ATRX: variants seen among roughly 807,000 people sequenced by gnomAD.
ATRX encodes chromatin remodeler ATRX.
ATRX carries 12 observed loss-of-function variants against 172.6 expected under a neutral mutation model. The ratio of observed to expected loss-of-function variants is 0.07; its 90% confidence interval spans 0.04 to 0.11. The LOEUF (loss-of-function observed/expected upper bound fraction) is 0.11. Ranked by LOEUF, ATRX falls within the 10% of genes least tolerant of loss-of-function variation. ATRX has a pLI of 1.00. For synonymous variants in ATRX, 674 were observed against 594.7 expected (o/e 1.13, Z -1.94); for missense variants, 1,368 against 1,767.4 (o/e 0.77, Z 4.05).
chrX:77,593,007 T>C (rs1557081807), intron 26 of ATRX, among the ~76,000 whole-genome samples: 1 of 108,894 alleles, frequency 9.2e-6, no homozygotes, highest in East Asian at 2.9e-4. Context: ...ACAAATTGCT[T>C]GAGCTCAAGA....
intron 22 of ATRX, chrX:77,615,978 G>A (rs2067341117): frequency 1.3e-6 from 1 of 751,526 alleles, no homozygotes; most frequent in East Asian, 1.5e-4. Flanking sequence ...GTTTTGTTGT[G>A]TGAAGACAGA....
chrX:77,553,278 TTC>T (rs2064632512), intron 30 of ATRX, among the ~76,000 whole-genome samples: 3 of 111,675 alleles, frequency 2.7e-5, no homozygotes, highest in Admixed American at 9.5e-5. Context: ...TGCCCAGTAC[TTC>T]TCTGTCTCCA....
chrX:77,567,468 A>G (rs189858271), intron 28 of ATRX, among the ~76,000 whole-genome samples: 1 of 111,520 alleles, frequency 9.0e-6, no homozygotes, highest in African/African-American at 3.2e-5. Flanking sequence ...TATTAGTATC[A>G]GATAAAACAG....
At chrX:77,656,536 T>C in intron 13 of ATRX, 24 bp downstream of exon 13, 1 of 1,177,077 alleles carries the variant, frequency 8.5e-7, no homozygotes, top group South Asian at 1.8e-5. Flanking sequence ...ATTCCTAAAA[T>C]TTTTTAAAAA....
At chrX:77,709,526 G>A (rs1293649771) in intron 2 of ATRX, among the ~76,000 whole-genome samples, 7 of 110,319 alleles carry the variant, frequency 6.3e-5, no homozygotes, top group Non-Finnish European at 1.1e-4. Flanking sequence ...ATAAACCCCA[G>A]TGATGCTACC....
intron 23 of ATRX, 125 bp from the exon 24 acceptor site, chrX:77,599,945 G>T (rs2066613356): frequency 1.8e-6 from 1 of 559,807 alleles, no homozygotes; most frequent in Non-Finnish European, 3.0e-6. Flanking sequence ...AACTATTACA[G>T]ATTTTAGTAG....
intron 19 of ATRX, among the ~76,000 whole-genome samples, chrX:77,622,050 A>G (rs1258401559): frequency 1.8e-5 from 2 of 111,892 alleles, no homozygotes; most frequent in Non-Finnish European, 3.8e-5. Context: ...GGGTACTCTC[A>G]TACACTCTGT....
At chrX:77,652,383 A>G (rs782811000) in intron 14 of ATRX, 30 bp from the exon 15 acceptor site, 4 of 1,181,628 alleles carry the variant, frequency 3.4e-6, no homozygotes, top group Non-Finnish European at 4.6e-6. Context: ...AGAGGTAAAC[A>G]GTACAAAGTC....
At chrX:77,672,351 TA>T (rs781791142) in intron 10 of ATRX, among the ~76,000 whole-genome samples, 1 of 111,268 alleles carries the variant, frequency 9.0e-6, no homozygotes, top group Non-Finnish European at 1.9e-5. Flanking sequence ...ATCAAACGAT[TA>T]AGGGACTTGT....
chrX:77,665,373 T>C (rs781987219), intron 10 of ATRX, among the ~76,000 whole-genome samples: 44 of 111,559 alleles, frequency 3.9e-4, no homozygotes, highest in African/African-American at 1.4e-3. Context: ...ATAAATAATC[T>C]CTAATAATAT....
rs781819083 is a variant in ATRX at position 77,627,172 on chromosome X, G to A, written c.5134+6035C>T. Among the ~76,000 whole-genome samples, 23 of 111,287 alleles carry A rather than the reference G, an allele frequency of 2.1e-4. No individual in the cohort carries two copies. The South Asian group carries it at 7.2e-3, about 35-fold the overall frequency. On this transcript the variant is annotated intron_variant, in intron 19 of 34. Coordinates refer to ENST00000373344, the MANE Select transcript of ATRX (RefSeq NM_000489.6). The stretch of plus-strand genomic sequence containing the variant: ...GGCGTGAACCCGGGAGGCGGAGCTC[G>A]CAGTGAGCCGAGATCGCGCCACTGC...
chrX:77,569,522 T>A (rs2065329231), intron 28 of ATRX, among the ~76,000 whole-genome samples: 1 of 110,823 alleles, frequency 9.0e-6, no homozygotes, highest in African/African-American at 3.3e-5. Flanking sequence ...CAGAAATCTA[T>A]AAAACAAACT....
At chrX:77,583,434 G>A (rs919824154) in intron 27 of ATRX, among the ~76,000 whole-genome samples, 8 of 110,579 alleles carry the variant, frequency 7.2e-5, no homozygotes, top group Non-Finnish European at 1.5e-4. Context: ...TGAAGCAGGA[G>A]AATCACTTGA....
intron 30 of ATRX, among the ~76,000 whole-genome samples, chrX:77,551,487 A>C (rs1246467238): frequency 2.7e-5 from 3 of 112,354 alleles, no homozygotes; most frequent in Non-Finnish European, 5.6e-5. Flanking sequence ...TTAAAGACTT[A>C]AATGGTAGAC....
intron 28 of ATRX, among the ~76,000 whole-genome samples, chrX:77,561,919 A>G (rs1475638499): frequency 1.8e-5 from 2 of 111,454 alleles, no homozygotes; most frequent in Admixed American, 9.6e-5. Context: ...TAGTTCTACA[A>G]AATTTTATCA....
At chrX:77,750,003 A>G (rs2075239544) in intron 1 of ATRX, among the ~76,000 whole-genome samples, 1 of 111,100 alleles carries the variant, frequency 9.0e-6, no homozygotes, top group African/African-American at 3.3e-5. Context: ...GCTGCATTAC[A>G]ATGCCTAACA....
At position 77,508,463 on chromosome X, in the gene ATRX, A is replaced by T. The variant is rs2147648215; in HGVS notation, c.7367T>A (p.Met2456Lys). Reference sequence around the variant, plus strand: ...AGCCACTGGCTGATACATTCCTCTCATATCAATCTGCTGGTAGTTAGAAGG... The same window carrying T: ...AGCCACTGGCTGATACATTCCTCTCTTATCAATCTGCTGGTAGTTAGAAGG... ...MNPSNYQQID[M>K]RGMYQPVAGG... The change falls in exon 35 of 35, where the codon ATG becomes AAG. Residue 2456 changes from methionine to lysine, a missense_variant. Transcript: ENST00000373344. The T allele has an allele frequency of 8.3e-7, 1 of 1,211,604 alleles. No individual in the cohort carries two copies. The highest frequency in any genetic ancestry group is 1.1e-6 in the Non-Finnish European group (1 of 895,488).
At position 77,593,593 on chromosome X, in the gene ATRX, T is replaced by C. The variant is rs782660624; in HGVS notation, c.6110+103A>G. The stretch of plus-strand genomic sequence containing the variant: ...ACAATGACCAAATAAATCACATCTT[T>C]AGGAAGGAAGGAAAAGCAACAGATT... On this transcript the variant is annotated intron_variant, in intron 26 of 34. Coordinates refer to ENST00000373344, the MANE Select transcript of ATRX (RefSeq NM_000489.6). The C allele has an allele frequency of 6.6e-5, 59 of 899,077 alleles. No individual in the cohort carries two copies. The East Asian group carries it at 2.0e-3, about 30-fold the overall frequency. 74.1% of individuals were successfully genotyped at this position (899,077 alleles called of 1,213,427 possible).
intron 1 of ATRX, among the ~76,000 whole-genome samples, chrX:77,766,028 G>C (rs1200526955): frequency 8.9e-6 from 1 of 111,804 alleles, no homozygotes; most frequent in African/African-American, 3.2e-5. Flanking sequence ...AGATCAACAG[G>C]ATCCCAAGGC....
Sources: gnomAD v4.1 joint callset for allele counts (sites outside exome capture counted in the v4.1 genomes callset) on GRCh38, gnomAD v4.1.1 for gene constraint, MANE v1.5 for transcripts, NCBI Gene and HGNC (gene_info 2026-07-23, HGNC 2026-07-21) for gene names.